MYO9A: variants seen among roughly 807,000 people sequenced by gnomAD.
MYO9A encodes the protein myosin IXA.
Under a neutral mutation model 293.3 loss-of-function variants are expected in MYO9A, and 103 were observed. That is an observed-to-expected ratio of 0.35 (90% CI 0.30 to 0.41). The LOEUF is 0.41. Among genes scored for constraint, MYO9A ranks in the 10% least tolerant of loss-of-function variants. The pLI is 1.00. For synonymous variants in MYO9A, 1,001 were observed against 1,035.7 expected (o/e 0.97, Z 0.64); for missense variants, 2,685 against 3,033.0 (o/e 0.89, Z 2.69).
chr15:72,006,400 T>C (rs1170371022), intron 8 of MYO9A, among the ~76,000 whole-genome samples: 1 of 152,106 alleles, frequency 6.6e-6, no homozygotes, highest in Non-Finnish European at 1.5e-5. Context: ...CAGACATAAA[T>C]AAATCTTAAG....
chr15:71,928,516 T>G (rs1336538505), intron 18 of MYO9A, among the ~76,000 whole-genome samples: 2 of 152,060 alleles, frequency 1.3e-5, no homozygotes, highest in East Asian at 3.9e-4. Flanking sequence ...ACTGAATCAG[T>G]GAATCACTCT....
Position 72,079,025 on chromosome 15 carries a change from T to C in MYO9A, c.-71-32391A>G, listed in dbSNP as rs533541857. On this transcript the variant is annotated intron_variant, in intron 1 of 41. Coordinates refer to ENST00000356056, the MANE Select transcript of MYO9A (RefSeq NM_006901.4). Reference sequence around the variant, plus strand: ...TTTAAGGCAGTGAAACTATTCTCTATGATACTGTAACGGTACAGACATGTC... The same window carrying C: ...TTTAAGGCAGTGAAACTATTCTCTACGATACTGTAACGGTACAGACATGTC... 3.3e-5 allele frequency among the ~76,000 whole-genome samples: 5 copies of C among 152,292 alleles called. No individual in the cohort carries two copies. The South Asian group carries it at 1.0e-3, about 32-fold the overall frequency.
intron 1 of MYO9A, among the ~76,000 whole-genome samples, chr15:72,064,073 T>C (rs908050860): frequency 3.9e-5 from 6 of 152,156 alleles, no homozygotes; most frequent in Admixed American, 3.3e-4. Flanking sequence ...AAGACAAACT[T>C]TGCATTATCT....
intron 32 of MYO9A, among the ~76,000 whole-genome samples, chr15:71,868,487 T>C (rs996124717): frequency 6.6e-6 from 1 of 152,200 alleles, no homozygotes; most frequent in African/African-American, 2.4e-5. Context: ...TAAACTGTTA[T>C]GTTAAAGTGA....
chr15:72,090,395 A>G (rs1162632874), intron 1 of MYO9A, among the ~76,000 whole-genome samples: 1 of 152,230 alleles, frequency 6.6e-6, no homozygotes, highest in African/African-American at 2.4e-5. Context: ...ATTAGAAACT[A>G]CTGATATAAA....
In MYO9A at chr15:72,112,235, AAC is replaced by A. The variant is rs929123610; in HGVS notation, c.-72+5443_-72+5444del. Reference sequence around the variant, plus strand: ...TAAAAAAAAATAAATAAATAAAAAAAACACACACAATTTTTAGCAAGCCAGCT... The same window carrying A: ...TAAAAAAAAATAAATAAATAAAAAAAACACACAATTTTTAGCAAGCCAGCT... On this transcript the variant is annotated intron_variant, in intron 1 of 41. Coordinates refer to ENST00000356056, the MANE Select transcript of MYO9A (RefSeq NM_006901.4). Among the ~76,000 whole-genome samples, 23 of 152,344 alleles carry A rather than the reference AAC, an allele frequency of 1.5e-4. No individual in the cohort carries two copies. The South Asian group carries it at 2.3e-3, about 15-fold the overall frequency.
chr15:72,030,875 G>GCT (rs1221388172), intron 3 of MYO9A, among the ~76,000 whole-genome samples: 1 of 152,120 alleles, frequency 6.6e-6, no homozygotes, highest in African/African-American at 2.4e-5. Context: ...ATTAGGCACA[G>GCT]AAGACAGGGG....
At chr15:72,047,730 G>A (rs573803590) in intron 1 of MYO9A, among the ~76,000 whole-genome samples, 2 of 142,852 alleles carry the variant, frequency 1.4e-5, no homozygotes, top group South Asian at 2.2e-4. Flanking sequence ...TAAGGATGAT[G>A]TGCTATTAAA....
intron 3 of MYO9A, among the ~76,000 whole-genome samples, chr15:72,028,872 C>T (rs1044484832): frequency 1.3e-5 from 2 of 152,120 alleles, no homozygotes; most frequent in African/African-American, 4.8e-5. Flanking sequence ...ATTTATTGGG[C>T]ACTATATCAA....
chr15:71,987,749 G>C (rs992537782), intron 11 of MYO9A, among the ~76,000 whole-genome samples: 1 of 152,072 alleles, frequency 6.6e-6, no homozygotes, highest in Non-Finnish European at 1.5e-5. Flanking sequence ...CTGTGATACT[G>C]TACCTTCTTT....
chr15:72,000,746 C>T (rs1479780263), intron 8 of MYO9A, among the ~76,000 whole-genome samples: 1 of 152,126 alleles, frequency 6.6e-6, no homozygotes, highest in East Asian at 1.9e-4. Flanking sequence ...TTCAAGCAAT[C>T]CTCCCGCTTC....
intron 19 of MYO9A, among the ~76,000 whole-genome samples, chr15:71,911,738 T>C (rs149353192): frequency 1.3e-5 from 2 of 152,350 alleles, no homozygotes; most frequent in Non-Finnish European, 2.9e-5. Context: ...GATCAAGTTG[T>C]ATCATCCCAG....
chr15:71,844,335 G>A (rs2055293360), intron 39 of MYO9A, among the ~76,000 whole-genome samples: 1 of 152,112 alleles, frequency 6.6e-6, no homozygotes, highest in Admixed American at 6.5e-5. Flanking sequence ...GCCATGCTCT[G>A]TCTAAGGAAG....
At chr15:72,072,876 G>A (rs971580012) in intron 1 of MYO9A, among the ~76,000 whole-genome samples, 70 of 151,900 alleles carry the variant, frequency 4.6e-4, no homozygotes, top group Admixed American at 2.8e-3. Context: ...GAACCCGCAC[G>A]TATACACCCT....
At chr15:71,989,560 GGACT>G (rs2076485912) in intron 11 of MYO9A, among the ~76,000 whole-genome samples, 1 of 152,110 alleles carries the variant, frequency 6.6e-6, no homozygotes, top group Non-Finnish European at 1.5e-5. Flanking sequence ...AAGATAAGGA[GGACT>G]GACTGACTGT....
At chr15:72,080,174 T>C (rs2079496201) in intron 1 of MYO9A, among the ~76,000 whole-genome samples, 1 of 152,170 alleles carries the variant, frequency 6.6e-6, no homozygotes, top group African/African-American at 2.4e-5. Flanking sequence ...ATAATTCATA[T>C]AATAGTGAAG....
chr15:71,915,823 T>C (rs1233593171), intron 19 of MYO9A, among the ~76,000 whole-genome samples: 1 of 152,110 alleles, frequency 6.6e-6, no homozygotes, highest in Non-Finnish European at 1.5e-5. Flanking sequence ...AGGAGATAGA[T>C]GATTTGAGAA....
At chr15:71,845,127 C>G (rs1372582792) in intron 39 of MYO9A, among the ~76,000 whole-genome samples, 1 of 152,186 alleles carries the variant, frequency 6.6e-6, no homozygotes, top group East Asian at 1.9e-4. Flanking sequence ...TATCAGACCA[C>G]TTCCTGAGGA....
intron 18 of MYO9A, among the ~76,000 whole-genome samples, chr15:71,928,880 G>A (rs1278462114): frequency 1.4e-5 from 2 of 143,648 alleles, no homozygotes; most frequent in Non-Finnish European, 3.0e-5. Context: ...GCAACACAGA[G>A]AAAGAAGATT....
Sources: gnomAD v4.1 joint callset for allele counts (sites outside exome capture counted in the v4.1 genomes callset) on GRCh38, gnomAD v4.1.1 for gene constraint, MANE v1.5 for transcripts, NCBI Gene and HGNC (gene_info 2026-07-23, HGNC 2026-07-21) for gene names.